INTS10: variants seen among roughly 807,000 people sequenced by gnomAD.
INTS10 encodes the protein integrator complex subunit 10, also known as chromosome 8 open reading frame 35.
A neutral mutation model predicts 94.4 loss-of-function variants in INTS10; 44 were observed. That is an observed-to-expected ratio of 0.47 (90% CI 0.37 to 0.60). The LOEUF (loss-of-function observed/expected upper bound fraction) is 0.60. INTS10 is among the 20% of genes least tolerant of loss of function. INTS10 has a pLI of 0.00. For missense variants in INTS10, 797 were observed against 868.7 expected, an observed-to-expected ratio of 0.92 and a Z score of 1.04; for synonymous variants, 341 against 320.7, an observed-to-expected ratio of 1.06 and a Z score of -0.68.
intron 13 of INTS10, 69 bp from the exon 14 acceptor site, chr8:19,842,779 C>T (rs2068233978): frequency 2.1e-6 from 2 of 939,740 alleles, no homozygotes; most frequent in East Asian, 2.4e-5. Context: ...GCATCTTAAA[C>T]AGTTGCCTTT....
chr8:19,845,679 T>G (rs971872353), intron 15 of INTS10, 25 bp from the exon 16 acceptor site: 8 of 1,560,714 alleles, frequency 5.1e-6, no homozygotes, highest in Non-Finnish European at 6.2e-6. Flanking sequence ...TTTTTACATG[T>G]GGTTAACCTG....
Position 19,830,640 on chromosome 8 carries a change from G to A in INTS10, c.1294+81G>A, listed in dbSNP as rs548526903. 14 of 1,343,512 alleles carry A rather than the reference G, an allele frequency of 1.0e-5. No homozygotes were observed. In the South Asian group the frequency reaches 1.1e-4, roughly 10 times the overall value. The allele number at this position is 1,343,512 out of a possible 1,614,324, so 83.2% of individuals were successfully genotyped here. ...TACTTCAAATGTCAGGTCACTTACG[G>A]CAAATTAAGTTGATTACAGTAGTTC... On this transcript the variant is annotated intron_variant, in intron 10 of 16. Coordinates refer to ENST00000397977, the MANE Select transcript of INTS10 (RefSeq NM_018142.4).
chr8:19,841,031 T>C (rs80338231), intron 13 of INTS10, among the ~76,000 whole-genome samples: 1,608 of 152,288 alleles, frequency 0.011, 40 homozygotes, highest in South Asian at 0.065. Flanking sequence ...TTTAAAGCTT[T>C]AGTAATTTAA....
chr8:19,843,472 C>T lies in INTS10; in HGVS notation c.1719+545C>T, dbSNP rs1438783928. ...TTGGCCAGAGAGTAAAACATTGGGTCTCCACTTCAGTGCAGTAACTCCCAC... is the reference window on the plus strand; with the variant it reads ...TTGGCCAGAGAGTAAAACATTGGGTTTCCACTTCAGTGCAGTAACTCCCAC... On this transcript the variant is annotated intron_variant, in intron 14 of 16. Transcript: ENST00000397977. The surrounding 1 kb of genome is among the most constrained non-coding windows in gnomAD (Gnocchi z 4.7). Among the ~76,000 whole-genome samples the T allele has an allele frequency of 6.6e-6, 1 of 152,186 alleles. No homozygotes were observed. Among genetic ancestry groups the T allele is most frequent in the African/African-American group, 2.4e-5 (1 of 41,448 alleles).
intron 4 of INTS10, chr8:19,821,654 C>G (rs1045601050): frequency 3.3e-5 from 5 of 151,834 alleles, no homozygotes; most frequent in Non-Finnish European, 7.4e-5. Flanking sequence ...TTCTAATCCA[C>G]CATGACCTCA....
intron 13 of INTS10, among the ~76,000 whole-genome samples, chr8:19,839,388 A>G (rs893744328): frequency 2.0e-4 from 31 of 151,990 alleles, no homozygotes; most frequent in Non-Finnish European, 1.3e-4. Context: ...TCTGACAAAT[A>G]TGAGTACCTT....
chr8:19,847,190 C>A (rs969857707), intron 16 of INTS10, among the ~76,000 whole-genome samples: 9 of 152,084 alleles, frequency 5.9e-5, no homozygotes, highest in African/African-American at 1.9e-4. Flanking sequence ...GTTTTTTCTC[C>A]TTCATCTTAT....
intron 7 of INTS10, 134 bp downstream of exon 7, chr8:19,824,178 A>G (rs1589938307): frequency 1.5e-6 from 1 of 657,452 alleles, no homozygotes; most frequent in East Asian, 2.9e-5. Context: ...AATGCAAAAG[A>G]GGATGGTTTT....
At chr8:19,850,471 A>G (rs1349845089) in intron 16 of INTS10, among the ~76,000 whole-genome samples, 5 of 143,864 alleles carry the variant, frequency 3.5e-5, no homozygotes. Context: ...AGCTTTACTT[A>G]TCTAACAAAG....
rs774276597 is a variant in INTS10 at position 19,851,652 on chromosome 8, C to T, written c.1980C>T (p.His660=). ...LLPNQGMLIK[H]HTVTRGITKG... is the part of the protein sequence containing the mutation. Reference sequence around the variant, plus strand: ...GTTTCCCTATTGCTGACCTCAGGCACCACACTGTAACTCGAGGCATCACCA... The same window carrying T: ...GTTTCCCTATTGCTGACCTCAGGCATCACACTGTAACTCGAGGCATCACCA... The change falls in exon 17 of 17, where the codon CAC becomes CAT. Residue 660 remains histidine, a synonymous_variant. Transcript: ENST00000397977. This position sits in a 1 kb window ranked among gnomAD's most constrained non-coding sequence, Gnocchi z 5.0. The T allele has an allele frequency of 1.2e-6, 2 of 1,614,180 alleles. No homozygotes were observed. The highest frequency in any genetic ancestry group is 2.2e-5 in the South Asian group (2 of 91,082).
At chr8:19,821,456 CGTT>C (rs1190935586) in intron 4 of INTS10, 2 of 151,880 alleles carry the variant, frequency 1.3e-5, no homozygotes, top group Non-Finnish European at 2.9e-5. Context: ...CCTTTTTTGT[CGTT>C]GTTTTTTGAG....
chr8:19,851,376 G>T lies in INTS10; in HGVS notation c.1977-273G>T, dbSNP rs2128820058. On this transcript the variant is annotated intron_variant, in intron 16 of 16. Coordinates refer to ENST00000397977, the MANE Select transcript of INTS10 (RefSeq NM_018142.4). This position sits in a 1 kb window ranked among gnomAD's most constrained non-coding sequence, Gnocchi z 5.0. ...GGATGCATAACACCAGAGCTTCATT[G>T]ATTCAAAGGCAAAGCAGGTGGCATT... Among the ~76,000 whole-genome samples, 1 of 152,322 alleles carries T rather than the reference G, an allele frequency of 6.6e-6. No homozygotes were observed. The highest frequency in any genetic ancestry group is 1.9e-4 in the East Asian group (1 of 5,184).
chr8:19,842,869 C>T lies in INTS10; in HGVS notation c.1661C>T (p.Pro554Leu), dbSNP rs764222299. The stretch of plus-strand genomic sequence containing the variant: ...TTAGGTTCGGATCTGAAGCTCCTGC[C>T]TTGTACCAGCAAGGCTATCATGCCA... Reference protein sequence around the residue: ...FRKGSDLKLLPCTSKAIMPYC... With the variant: ...FRKGSDLKLLLCTSKAIMPYC... Residue 554 changes from proline to leucine, a missense_variant, in exon 14 of 17, where the codon CCT becomes CTT. Transcript: ENST00000397977. The T allele has an allele frequency of 1.2e-6, 2 of 1,612,608 alleles. No homozygotes were observed. The highest frequency in any genetic ancestry group is 1.7e-6 in the Non-Finnish European group (2 of 1,178,818).
At chr8:19,841,190 A>C (rs1303677306) in intron 13 of INTS10, among the ~76,000 whole-genome samples, 2 of 152,168 alleles carry the variant, frequency 1.3e-5, no homozygotes, top group East Asian at 3.8e-4. Context: ...AAACGACAAT[A>C]AAAAAATGAG....
Position 19,817,614 on chromosome 8 carries a change from A to G in INTS10, c.77A>G (p.Lys26Arg). 1 of 1,608,626 alleles carries G rather than the reference A, an allele frequency of 6.2e-7. No homozygotes were observed. The highest frequency in any genetic ancestry group is 8.5e-7 in the Non-Finnish European group (1 of 1,178,146). The change falls in exon 1 of 17, where the codon AAG becomes AGG. Residue 26 changes from lysine (K) to arginine (R), a missense_variant. Physicochemically the swap from Lys to Arg is conservative, Grantham distance 26. This residue lies in a region of INTS10 where 734 missense variants were observed against 787.8 expected (regional missense o/e 0.93). Coordinates refer to ENST00000397977, the MANE Select transcript of INTS10 (RefSeq NM_018142.4). ...GTGCCGCAAGACCTGTGGGCAGCCAAGGCGTGGCTGATCACGGCCCGCAGC... is the reference window on the plus strand; with the variant it reads ...GTGCCGCAAGACCTGTGGGCAGCCAGGGCGTGGCTGATCACGGCCCGCAGC... Reference protein sequence around the residue: ...ELVPQDLWAAKAWLITARSLY... With the variant: ...ELVPQDLWAARAWLITARSLY...
Position 19,823,976 on chromosome 8 carries a change from G to A in INTS10, c.768G>A (p.Trp256Ter), listed in dbSNP as rs536709249. 1 of 1,613,674 alleles carries A rather than the reference G, an allele frequency of 6.2e-7. No individual in the cohort carries two copies. The highest frequency in any genetic ancestry group is 1.1e-5 in the South Asian group (1 of 91,012). Residue 256 changes from tryptophan (W) to a stop codon, truncating the protein, a stop_gained, in exon 7 of 17, where the codon TGG becomes TGA. Transcript: ENST00000397977. LOFTEE classifies it high-confidence loss of function. ...TEKSSQIVDP[W>*]ERLFKILNVV... ...AATCATCCCAGATCGTGGACCCTTG[G>A]GAGAGGTTGTTTAAGATTTTGAATG...
At chr8:19,832,245 A>G in intron 11 of INTS10, 135 bp downstream of exon 11, 1 of 626,812 alleles carries the variant, frequency 1.6e-6, no homozygotes, top group Non-Finnish European at 2.9e-6. Flanking sequence ...TTCTGTTTTC[A>G]GTGGCTGAGG....
At position 19,819,592 on chromosome 8, in the gene INTS10, C is replaced by G; in HGVS notation, c.217C>G (p.Gln73Glu). 1 of 1,611,928 alleles carries G rather than the reference C, an allele frequency of 6.2e-7. No homozygotes were observed. Among genetic ancestry groups the G allele is most frequent in the Non-Finnish European group, 8.5e-7 (1 of 1,178,780 alleles). ...LYDMFVNFPD[Q>E]PVVWREISII... is the part of the protein sequence containing the mutation. ...AAATAGGTTTGTGAATTTCCCAGAC[C>G]AGCCGGTGGTGTGGAGAGAAATCAG... is the stretch of plus-strand genomic sequence containing the variant. The change falls in exon 3 of 17, where the codon CAG becomes GAG. Residue 73 changes from glutamine (Q) to glutamate (E), a missense_variant. Around this residue, in one of 3 missense-constraint regions of INTS10, gnomAD observed 734 missense variants for 787.8 expected, o/e 0.93. Coordinates refer to ENST00000397977, the MANE Select transcript of INTS10 (RefSeq NM_018142.4).
At chr8:19,822,159 A>G (rs2066429800) in intron 4 of INTS10, 1 of 236,218 alleles carries the variant, frequency 4.2e-6, no homozygotes, top group Non-Finnish European at 8.2e-6. Flanking sequence ...TTACATTTCT[A>G]TAGACATTTT....
Sources: allele counts gnomAD v4.1 joint callset (sites outside exome capture counted in the v4.1 genomes callset), GRCh38; gene constraint gnomAD v4.1.1; regional missense constraint gnomAD v4.1.1; non-coding constraint Gnocchi (gnomAD v3.1); transcripts MANE v1.5; gene names NCBI Gene and HGNC (gene_info 2026-07-23, HGNC 2026-07-21).